The following CERS6 variants were observed in gnomAD, a reference collection of about 807,000 sequenced individuals.
CERS6 encodes the protein ceramide synthase 6.
A neutral mutation model predicts 56.8 loss-of-function variants in CERS6; 26 were observed. The ratio of observed to expected loss-of-function variants is 0.46; its 90% confidence interval spans 0.34 to 0.63. CERS6 has a LOEUF of 0.63. Among genes scored for constraint, CERS6 ranks in the 30% least tolerant of loss-of-function variants. CERS6 has a pLI of 0.01. For synonymous variants in CERS6, 164 were observed against 173.3 expected (o/e 0.95, Z 0.42); for missense variants, 415 against 467.5 (o/e 0.89, Z 1.04).
chr2:168,613,401 C>T (rs1245436577), intron 3 of CERS6, among the ~76,000 whole-genome samples: 3 of 152,086 alleles, frequency 2.0e-5, no homozygotes, highest in Admixed American at 2.0e-4. Flanking sequence ...CTGGCATTGA[C>T]AGACCAAGGG....
At chr2:168,666,358 C>T (rs984192689) in intron 4 of CERS6, among the ~76,000 whole-genome samples, 2 of 152,310 alleles carry the variant, frequency 1.3e-5, no homozygotes. Flanking sequence ...CATCTTCTTA[C>T]TTTCTCCAAA....
At chr2:168,489,693 ATTTTT>A (rs1211264865) in intron 1 of CERS6, among the ~76,000 whole-genome samples, 1 of 151,802 alleles carries the variant, frequency 6.6e-6, no homozygotes, top group African/African-American at 2.4e-5. Flanking sequence ...CAGATATTAT[ATTTTT>A]ATTTCCACAA....
chr2:168,516,468 A>G (rs1271439892), intron 1 of CERS6, among the ~76,000 whole-genome samples: 1 of 152,204 alleles, frequency 6.6e-6, no homozygotes, highest in Non-Finnish European at 1.5e-5. Context: ...CTAGAGCAAG[A>G]CTAAATGAAT....
At chr2:168,692,533 A>G (rs1025263640) in intron 5 of CERS6, among the ~76,000 whole-genome samples, 1 of 152,188 alleles carries the variant, frequency 6.6e-6, no homozygotes, top group East Asian at 1.9e-4. Flanking sequence ...TGTAGATTCA[A>G]CATGAAAGTT....
chr2:168,558,236 C>T (rs1161512595), intron 2 of CERS6, among the ~76,000 whole-genome samples: 1 of 151,530 alleles, frequency 6.6e-6, no homozygotes, highest in Non-Finnish European at 1.5e-5. Context: ...TGCATAGACC[C>T]CTTCGATCTA....
chr2:168,593,397 A>G (rs1420638656), intron 3 of CERS6, among the ~76,000 whole-genome samples: 4 of 152,150 alleles, frequency 2.6e-5, no homozygotes, highest in African/African-American at 9.7e-5. Context: ...AGTACTCTCA[A>G]TTTGGAAACC....
intron 3 of CERS6, among the ~76,000 whole-genome samples, chr2:168,617,663 C>T (rs1314492907): frequency 6.6e-6 from 1 of 152,092 alleles, no homozygotes; most frequent in East Asian, 1.9e-4. Flanking sequence ...AAAGATACAA[C>T]CCTCCTAGCT....
intron 3 of CERS6, among the ~76,000 whole-genome samples, chr2:168,629,010 GTGCTTTTT>G (rs1684652271): frequency 1.3e-5 from 2 of 152,078 alleles, no homozygotes; most frequent in Admixed American, 6.5e-5. Context: ...ACTTAAAGAA[GTGCTTTTT>G]CAAGTTGCAA....
At chr2:168,654,317 G>A (rs1464386537) in intron 4 of CERS6, among the ~76,000 whole-genome samples, 1 of 152,132 alleles carries the variant, frequency 6.6e-6, no homozygotes, top group Non-Finnish European at 1.5e-5. Flanking sequence ...GGGAGGCCGA[G>A]GTAGGTGGAT....
rs188813378 is a variant in CERS6 at position 168,467,825 on chromosome 2, G to C, written c.170+11207G>C. ...ATTGAGTACCTGCTTGAGAAATACT[G>C]TTCTGTAATTTGATTTTCTAAAATA... On this transcript the variant is annotated intron_variant, in intron 1 of 9. Coordinates refer to ENST00000305747, the MANE Select transcript of CERS6 (RefSeq NM_203463.3). Among the ~76,000 whole-genome samples the C allele has an allele frequency of 2.0e-3, 297 of 152,266 alleles. 3 individuals carry two copies. The highest frequency in any genetic ancestry group is 3.5e-4 in the Non-Finnish European group (24 of 67,998).
At chr2:168,496,527 A>G (rs1165914199) in intron 1 of CERS6, among the ~76,000 whole-genome samples, 1 of 152,100 alleles carries the variant, frequency 6.6e-6, no homozygotes, top group South Asian at 2.1e-4. Context: ...TATCACCAGC[A>G]CCTGGGACAC....
chr2:168,551,040 T>G (rs1179747057), intron 2 of CERS6, among the ~76,000 whole-genome samples: 1 of 152,174 alleles, frequency 6.6e-6, no homozygotes, highest in East Asian at 1.9e-4. Context: ...ACATGCTCCT[T>G]TGCCCCATTG....
chr2:168,601,391 G>A (rs1559015701), intron 3 of CERS6, among the ~76,000 whole-genome samples: 1 of 152,116 alleles, frequency 6.6e-6, no homozygotes, highest in Non-Finnish European at 1.5e-5. Context: ...AGTATTGCAT[G>A]CTCATCTGCT....
intron 1 of CERS6, among the ~76,000 whole-genome samples, chr2:168,522,446 T>G (rs1694999182): frequency 6.6e-6 from 1 of 152,358 alleles, no homozygotes; most frequent in East Asian, 1.9e-4. Flanking sequence ...CTGAACAATT[T>G]TCCCTGTTAT....
chr2:168,609,619 C>A (rs1684135957), intron 3 of CERS6, among the ~76,000 whole-genome samples: 2 of 152,128 alleles, frequency 1.3e-5, no homozygotes, highest in Admixed American at 6.5e-5. Flanking sequence ...ATGACAGTCC[C>A]CTGTTGAGAG....
intron 3 of CERS6, among the ~76,000 whole-genome samples, chr2:168,618,831 A>G (rs868451526): frequency 2.0e-5 from 3 of 152,206 alleles, no homozygotes; most frequent in Admixed American, 2.0e-4. Context: ...ATTCAGTGCA[A>G]TTTCCATCAA....
intron 1 of CERS6, among the ~76,000 whole-genome samples, chr2:168,483,218 C>CT (rs1049850577): frequency 2.6e-5 from 4 of 151,952 alleles, no homozygotes; most frequent in East Asian, 1.9e-4. Context: ...ATTTTTACTT[C>CT]TTTTTTTATA....
Position 168,457,315 on chromosome 2 carries a change from C to G in CERS6, c.170+697C>G, listed in dbSNP as rs185917680. ...CAAAATGGTGATATTAAACTGATAACCCTGTCCTGTGAATAATCATAAACT... is the reference window on the plus strand; with the variant it reads ...CAAAATGGTGATATTAAACTGATAAGCCTGTCCTGTGAATAATCATAAACT... On this transcript the variant is annotated intron_variant, in intron 1 of 9. Transcript: ENST00000305747. Among the ~76,000 whole-genome samples the G allele has an allele frequency of 4.7e-3, 722 of 152,284 alleles. 7 individuals are homozygous for G. The highest frequency in any genetic ancestry group is 0.016 in the African/African-American group (681 of 41,546).
intron 4 of CERS6, among the ~76,000 whole-genome samples, chr2:168,659,536 A>G (rs1363990716): frequency 6.6e-6 from 1 of 152,228 alleles, no homozygotes; most frequent in Admixed American, 6.5e-5. Flanking sequence ...TTATCATAAG[A>G]TGTAGAAAGA....
Sources: gnomAD v4.1 joint callset for allele counts (sites outside exome capture counted in the v4.1 genomes callset) on GRCh38, gnomAD v4.1.1 for gene constraint, MANE v1.5 for transcripts, NCBI Gene and HGNC (gene_info 2026-07-23, HGNC 2026-07-21) for gene names.